The following FILIP1 variants were observed in gnomAD, a reference collection of about 807,000 sequenced individuals.
FILIP1 encodes filamin A interacting protein 1, also known as filamin-A-interacting protein 1.
A neutral mutation model predicts 102.1 loss-of-function variants in FILIP1; 61 were observed. The observed-to-expected ratio is 0.60, with a 90% confidence interval of 0.49 to 0.74. The LOEUF (loss-of-function observed/expected upper bound fraction) is 0.74. Among genes scored for constraint, FILIP1 ranks in the 30% least tolerant of loss-of-function variants. The probability of loss-of-function intolerance (pLI) is 0.00; values close to 1 mark genes in which losing one functional copy is unlikely to be tolerated. For missense variants in FILIP1, 1,314 were observed against 1,441.2 expected, an observed-to-expected ratio of 0.91 and a Z score of 1.43; for synonymous variants, 491 against 526.9, an observed-to-expected ratio of 0.93 and a Z score of 0.93.
In FILIP1 at chr6:75,383,935, T is replaced by G. The variant is rs1775990854; in HGVS notation, c.277-21018A>C. Among the ~76,000 whole-genome samples, 4 of 152,166 alleles carry G rather than the reference T, an allele frequency of 2.6e-5. No individual in the cohort carries two copies. The South Asian group carries it at 8.3e-4, about 32-fold the overall frequency. On this transcript the variant is annotated intron_variant, in intron 2 of 5. Transcript: ENST00000237172. ...TTTATAAATTCTCCATATACATATA[T>G]CCATATAGAACCTCTCAAATATGTA... is the stretch of plus-strand genomic sequence containing the variant.
At chr6:75,372,679 AAG>A (rs1313567875) in intron 2 of FILIP1, among the ~76,000 whole-genome samples, 1 of 58,916 alleles carries the variant, frequency 1.7e-5, no homozygotes, top group Non-Finnish European at 3.2e-5. Flanking sequence ...GAAAGAAAGA[AAG>A]AAAGAGAAAG....
chr6:75,440,099 A>G (rs1439350875), intron 1 of FILIP1, among the ~76,000 whole-genome samples: 1 of 152,236 alleles, frequency 6.6e-6, no homozygotes, highest in Non-Finnish European at 1.5e-5. Context: ...TGAGCAGATG[A>G]CATAAATAAG....
rs57015216 is a variant in FILIP1, at chr6:75,477,667, T to C, written c.-7+15747A>G. 7.2e-3 allele frequency among the ~76,000 whole-genome samples: 1,100 copies of C among 152,050 alleles called. 16 individuals carry two copies. The highest frequency in any genetic ancestry group is 0.063 in the South Asian group (303 of 4,808). On this transcript the variant is annotated intron_variant, in intron 1 of 5. Transcript: ENST00000237172. ...AATAAAGAATAAGCTCAGGAAAGCA[T>C]GGGAAGTTGAGTACAAGGCCTAATG... is the stretch of plus-strand genomic sequence containing the variant.
intron 5 of FILIP1, 138 bp downstream of exon 5, chr6:75,312,259 T>C (rs747473504): frequency 6.0e-5 from 49 of 815,826 alleles, no homozygotes; most frequent in Non-Finnish European, 9.3e-5. Flanking sequence ...GTGTGGATGG[T>C]CCTCTGGGAA....
intron 1 of FILIP1, among the ~76,000 whole-genome samples, chr6:75,443,284 C>T (rs978916695): frequency 6.6e-6 from 1 of 152,126 alleles, no homozygotes; most frequent in Non-Finnish European, 1.5e-5. Flanking sequence ...AAGAAAATCA[C>T]ATATTTTTAA....
At chr6:75,434,385 T>C (rs940426357) in intron 1 of FILIP1, among the ~76,000 whole-genome samples, 1 of 152,258 alleles carries the variant, frequency 6.6e-6, no homozygotes, top group African/African-American at 2.4e-5. Context: ...TTTGTAGTTC[T>C]CCTCGAAGAG....
At position 75,472,351 on chromosome 6, in the gene FILIP1, C is replaced by A. The variant is rs548485041; in HGVS notation, c.-7+21063G>T. ...TGATTATTCTGGAAATAAGAGTTAC[C>A]CTCTTAATATAATTATAACATTTGA... On this transcript the variant is annotated intron_variant, in intron 1 of 5. Coordinates refer to ENST00000237172, the MANE Select transcript of FILIP1 (RefSeq NM_015687.5). 3.3e-5 allele frequency among the ~76,000 whole-genome samples: 5 copies of A among 152,032 alleles called. No individual in the cohort carries two copies. In the South Asian group the frequency reaches 1.0e-3, roughly 32 times the overall value.
chr6:75,456,779 C>T (rs1778847287), intron 1 of FILIP1, among the ~76,000 whole-genome samples: 1 of 152,026 alleles, frequency 6.6e-6, no homozygotes, highest in Non-Finnish European at 1.5e-5. Context: ...AGGATGGTCT[C>T]GATCTCTTGA....
At chr6:75,383,761 A>G (rs1490880020) in intron 2 of FILIP1, among the ~76,000 whole-genome samples, 1 of 152,182 alleles carries the variant, frequency 6.6e-6, no homozygotes, top group African/African-American at 2.4e-5. Flanking sequence ...TATCAGATAG[A>G]CACTATTATT....
chr6:75,391,121 A>T (rs2149657171), intron 2 of FILIP1, among the ~76,000 whole-genome samples: 1 of 152,262 alleles, frequency 6.6e-6, no homozygotes, highest in East Asian at 1.9e-4. Context: ...TGATGGCAGC[A>T]CATTATAATC....
downstream of FILIP1, among the ~76,000 whole-genome samples, chr6:75,304,793 C>T (rs542454851): frequency 3.3e-5 from 5 of 152,094 alleles, no homozygotes; most frequent in Admixed American, 2.6e-4. Flanking sequence ...TGATGTTCTC[C>T]GGGGGAAAAA....
At chr6:75,342,691 C>A (rs1359342473) in intron 4 of FILIP1, among the ~76,000 whole-genome samples, 1 of 152,198 alleles carries the variant, frequency 6.6e-6, no homozygotes, top group Non-Finnish European at 1.5e-5. Flanking sequence ...CAGGCATCCT[C>A]TGAGATGCAC....
intron 1 of FILIP1, among the ~76,000 whole-genome samples, chr6:75,488,924 A>G (rs757634373): frequency 2.0e-5 from 3 of 152,202 alleles, no homozygotes; most frequent in Non-Finnish European, 2.9e-5. Flanking sequence ...AGGGCAATGA[A>G]TCGCAAGAAT....
At chr6:75,342,121 G>C (rs576834809) in intron 4 of FILIP1, among the ~76,000 whole-genome samples, 2 of 152,306 alleles carry the variant, frequency 1.3e-5, no homozygotes, top group African/African-American at 4.8e-5. Context: ...CTTAGTAACT[G>C]AACTCAGAGT....
chr6:75,437,622 T>C (rs529067571), intron 1 of FILIP1, among the ~76,000 whole-genome samples: 2 of 152,314 alleles, frequency 1.3e-5, no homozygotes, highest in Admixed American at 1.3e-4. Flanking sequence ...ATGTCAAAGA[T>C]ATATACAAAC....
At chr6:75,427,027 C>G (rs945470232) in intron 1 of FILIP1, among the ~76,000 whole-genome samples, 2 of 152,110 alleles carry the variant, frequency 1.3e-5, no homozygotes, top group African/African-American at 4.8e-5. Context: ...AAACTTCCCT[C>G]CCACTCCCCA....
exon 7 of FILIP1, chr6:75,292,247 C>T (rs1488937518): frequency 2.0e-5 from 3 of 152,014 alleles, no homozygotes; most frequent in African/African-American, 7.2e-5. Context: ...CATTATAAGC[C>T]TCTTATTTGT....
At chr6:75,336,864 A>G (rs1430866046) in intron 4 of FILIP1, among the ~76,000 whole-genome samples, 1 of 152,184 alleles carries the variant, frequency 6.6e-6, no homozygotes, top group Non-Finnish European at 1.5e-5. Context: ...CCCCTTGGCT[A>G]AATAACACTG....
At chr6:75,378,676 G>GA (rs1339306750) in intron 2 of FILIP1, among the ~76,000 whole-genome samples, 2 of 152,176 alleles carry the variant, frequency 1.3e-5, no homozygotes, top group Non-Finnish European at 2.9e-5. Context: ...CACGTGAAGA[G>GA]AAAACTGATG....
Sources: allele counts gnomAD v4.1 joint callset (sites outside exome capture counted in the v4.1 genomes callset), GRCh38; gene constraint gnomAD v4.1.1; transcripts MANE v1.5; gene names NCBI Gene and HGNC (gene_info 2026-07-23, HGNC 2026-07-21).